The following PTPRK variants were observed in gnomAD, a reference collection of about 807,000 sequenced individuals.
The protein encoded by PTPRK is protein tyrosine phosphatase receptor type K.
PTPRK carries 75 observed loss-of-function variants against 178.0 expected under a neutral mutation model. The observed-to-expected ratio is 0.42, with a 90% CI of 0.35 to 0.51. The LOEUF (loss-of-function observed/expected upper bound fraction) is 0.51, where lower values mean the gene tolerates loss of function less well. Among genes scored for constraint, PTPRK ranks in the 20% least tolerant of loss-of-function variants. The pLI is 0.02. For synonymous variants in PTPRK, 637 were observed against 620.6 expected, an observed-to-expected ratio of 1.03 and a Z score of -0.39; for missense variants, 1,441 against 1,797.8, an observed-to-expected ratio of 0.80 and a Z score of 3.59.
At chr6:128,453,642 G>A (rs1398317597) in intron 1 of PTPRK, among the ~76,000 whole-genome samples, 2 of 152,138 alleles carry the variant, frequency 1.3e-5, no homozygotes, top group Non-Finnish European at 2.9e-5. Flanking sequence ...AAATCCATAT[G>A]CTCTGATAAA....
At chr6:128,285,873 T>C (rs1822420872) in intron 3 of PTPRK, among the ~76,000 whole-genome samples, 1 of 151,716 alleles carries the variant, frequency 6.6e-6, no homozygotes, top group African/African-American at 2.4e-5. Flanking sequence ...AATATTGAGG[T>C]CATTCTTTAT....
At chr6:128,308,602 C>T (rs1038355753) in intron 3 of PTPRK, among the ~76,000 whole-genome samples, 2 of 151,720 alleles carry the variant, frequency 1.3e-5, no homozygotes, top group Non-Finnish European at 2.9e-5. Context: ...TGGAAGTCAA[C>T]GGGAATAAGG....
In PTPRK at chr6:127,990,785, G is replaced by A. The variant is rs1319029715; in HGVS notation, c.3080C>T (p.Thr1027Ile). The part of the protein sequence containing the change: ...MEPLAEYVVR[T>I]FTLERRGYNE... ...AGTACTTACCCTTTCCAGGGTGAAT[G>A]TCCTAACTACATATTCAGCAAGTGG... The change falls in exon 21 of 30, where the codon ACA becomes ATA. Residue 1027 changes from threonine to isoleucine, a missense_variant. This residue lies in a region of PTPRK where 945 missense variants were observed against 1,080.6 expected (regional missense o/e 0.87). Coordinates refer to ENST00000368226, the MANE Select transcript of PTPRK (RefSeq NM_002844.4). The A allele has an allele frequency of 1.2e-6, 2 of 1,602,616 alleles. No homozygotes were observed. Among genetic ancestry groups the A allele is most frequent in the Non-Finnish European group, 1.7e-6 (2 of 1,170,210 alleles).
intron 1 of PTPRK, among the ~76,000 whole-genome samples, chr6:128,439,738 A>G (rs1453623572): frequency 6.6e-6 from 1 of 152,212 alleles, no homozygotes; most frequent in Non-Finnish European, 1.5e-5. Flanking sequence ...GCAAATAGAT[A>G]GACTTCTAAA....
intron 3 of PTPRK, among the ~76,000 whole-genome samples, chr6:128,265,587 A>G (rs1818823197): frequency 6.6e-6 from 1 of 152,110 alleles, no homozygotes; most frequent in Non-Finnish European, 1.5e-5. Context: ...TCTAACCCAG[A>G]TAGTCTGGTG....
At chr6:128,372,808 A>C (rs2128349791) in intron 2 of PTPRK, among the ~76,000 whole-genome samples, 1 of 152,308 alleles carries the variant, frequency 6.6e-6, no homozygotes, top group South Asian at 2.1e-4. Context: ...TTTTCAGCAC[A>C]TCACAAACAC....
chr6:128,089,611 A>T, intron 8 of PTPRK, 79 bp downstream of exon 8: 1 of 1,371,832 alleles, frequency 7.3e-7, no homozygotes, highest in Non-Finnish European at 1.0e-6. Flanking sequence ...GTATTGGACA[A>T]TCTTAGGAAA....
intron 5 of PTPRK, among the ~76,000 whole-genome samples, chr6:128,226,761 C>CATATAT (rs71028117): frequency 0.047 from 5,078 of 109,068 alleles, 172 homozygotes; most frequent in Non-Finnish European, 0.057. Context: ...ATTATATAGA[C>CATATAT]ATATATATAT....
chr6:128,190,996 G>A (rs1387415213), intron 6 of PTPRK, among the ~76,000 whole-genome samples: 1 of 152,122 alleles, frequency 6.6e-6, no homozygotes, highest in African/African-American at 2.4e-5. Flanking sequence ...TCTGCATATA[G>A]CTATGATGAA....
intron 11 of PTPRK, among the ~76,000 whole-genome samples, chr6:128,073,071 A>G (rs886743859): frequency 6.6e-6 from 1 of 152,072 alleles, no homozygotes; most frequent in Non-Finnish European, 1.5e-5. Flanking sequence ...TACAAATATG[A>G]TTTGATATTA....
chr6:128,494,201 T>TA (rs11301155), intron 1 of PTPRK, among the ~76,000 whole-genome samples: 6,835 of 112,876 alleles, frequency 0.061, 405 homozygotes, highest in East Asian at 0.33. Flanking sequence ...CCCTGTATCT[T>TA]AAAAAAAAAA....
At chr6:128,314,280 C>T (rs1400243904) in intron 3 of PTPRK, among the ~76,000 whole-genome samples, 6 of 152,196 alleles carry the variant, frequency 3.9e-5, no homozygotes, top group Admixed American at 2.0e-4. Flanking sequence ...CCCCCACTGG[C>T]TCTGACCCCT....
intron 2 of PTPRK, among the ~76,000 whole-genome samples, chr6:128,336,752 A>G (rs1830987063): frequency 6.6e-6 from 1 of 152,224 alleles, no homozygotes; most frequent in Admixed American, 6.5e-5. Flanking sequence ...CAAATAAACA[A>G]AAACTTCTTT....
At chr6:128,377,220 A>G (rs773887091) in intron 2 of PTPRK, among the ~76,000 whole-genome samples, 2 of 152,182 alleles carry the variant, frequency 1.3e-5, no homozygotes, top group African/African-American at 2.4e-5. Flanking sequence ...TTATGCAGGA[A>G]AAAGGGTTTA....
At chr6:128,469,135 T>C (rs982309743) in intron 1 of PTPRK, among the ~76,000 whole-genome samples, 4 of 152,100 alleles carry the variant, frequency 2.6e-5, no homozygotes, top group African/African-American at 7.2e-5. Flanking sequence ...GTATCTAACA[T>C]TGAAGAAACA....
intron 1 of PTPRK, among the ~76,000 whole-genome samples, chr6:128,506,014 G>GA: frequency 6.6e-6 from 1 of 151,728 alleles, no homozygotes. Context: ...AAAAGAAAAA[G>GA]AAAAATGTTA....
At chr6:128,029,341 T>C (rs1468448469) in intron 13 of PTPRK, among the ~76,000 whole-genome samples, 1 of 152,002 alleles carries the variant, frequency 6.6e-6, no homozygotes, top group Non-Finnish European at 1.5e-5. Context: ...CCATGAACCA[T>C]TTAAACCTCT....
intron 16 of PTPRK, among the ~76,000 whole-genome samples, chr6:127,997,940 T>G (rs1396382902): frequency 1.3e-5 from 2 of 152,126 alleles, no homozygotes; most frequent in African/African-American, 4.8e-5. Flanking sequence ...TTCTTTCACT[T>G]TAAATGTGTG....
intron 3 of PTPRK, among the ~76,000 whole-genome samples, chr6:128,320,625 A>G (rs1014815766): frequency 9.9e-5 from 15 of 152,282 alleles, no homozygotes; most frequent in Middle Eastern, 3.4e-3. Flanking sequence ...CTGTTGAATC[A>G]GAACTTCTTT....
Sources: allele counts gnomAD v4.1 joint callset (sites outside exome capture counted in the v4.1 genomes callset), GRCh38; gene constraint gnomAD v4.1.1; regional missense constraint gnomAD v4.1.1; transcripts MANE v1.5; gene names NCBI Gene and HGNC (gene_info 2026-07-23, HGNC 2026-07-21).